Variants in MROH9 observed in about 807,000 individuals in gnomAD.
MROH9 encodes maestro heat-like repeat-containing protein family member 9.
In MROH9, 92 loss-of-function variants were observed where a neutral mutation model predicts 98.2. The ratio of observed to expected loss-of-function variants is 0.94; its 90% CI spans 0.79 to 1.11. MROH9 has a LOEUF of 1.11. MROH9 is among the 50% of genes most tolerant of loss of function. The pLI is 0.00. For missense variants in MROH9, 1,057 were observed against 1,014.8 expected, an observed-to-expected ratio of 1.04 and a Z score of -0.57; for synonymous variants, 397 against 368.9, an observed-to-expected ratio of 1.08 and a Z score of -0.87.
chr1:170,949,551 C>T (rs1275195851), intron 3 of MROH9, among the ~76,000 whole-genome samples: 2 of 152,048 alleles, frequency 1.3e-5, no homozygotes, highest in African/African-American at 4.8e-5. Context: ...TAATAACAGA[C>T]ATCTGAGTTG....
intron 20 of MROH9, among the ~76,000 whole-genome samples, chr1:171,026,626 T>C (rs1652721344): frequency 2.0e-5 from 3 of 152,144 alleles, no homozygotes; most frequent in African/African-American, 7.2e-5. Context: ...GAATTCTACC[T>C]TGGAAGTTCC....
chr1:170,960,019 A>C (rs142554797), intron 5 of MROH9, among the ~76,000 whole-genome samples: 2 of 152,314 alleles, frequency 1.3e-5, no homozygotes, highest in African/African-American at 4.8e-5. Flanking sequence ...ATATGATATA[A>C]AGTGAGGTCT....
Position 170,959,604 on chromosome 1 carries a change from T to C in MROH9, c.288+7T>C. 6.2e-7 allele frequency: 1 copy of C among 1,609,620 alleles called. No individual in the cohort carries two copies. Among genetic ancestry groups the C allele is most frequent in the Non-Finnish European group, 8.5e-7 (1 of 1,178,426 alleles). ...GTACATTGAGGACATGGAGGTAAAA[T>C]TTTTCTTCCTTTAATCATTATAGGA... On this transcript the variant is annotated splice_region_variant and intron_variant, in intron 5 of 21. Coordinates refer to ENST00000367759, the MANE Select transcript of MROH9 (RefSeq NM_001163629.2).
chr1:170,975,080 G>C (rs1650626978), intron 8 of MROH9, among the ~76,000 whole-genome samples: 3 of 151,800 alleles, frequency 2.0e-5, no homozygotes, highest in African/African-American at 7.2e-5. Flanking sequence ...AAAAAAAGCA[G>C]ATAACACAAA....
chr1:170,961,831 A>T, intron 5 of MROH9, 59 bp from the exon 6 acceptor site: 1 of 799,310 alleles, frequency 1.3e-6, no homozygotes, highest in Non-Finnish European at 1.9e-6. Context: ...AAAAAACTGT[A>T]GACATTAGGT....
chr1:170,978,848 T>C (rs190917073), intron 8 of MROH9, among the ~76,000 whole-genome samples: 3 of 152,242 alleles, frequency 2.0e-5, no homozygotes, highest in Non-Finnish European at 4.4e-5. Flanking sequence ...GACCAGCCTT[T>C]GGTCCCCACA....
intron 15 of MROH9, among the ~76,000 whole-genome samples, chr1:171,012,954 CCTTCCATA>C (rs1309180715): frequency 2.6e-5 from 4 of 152,146 alleles, no homozygotes; most frequent in Admixed American, 2.6e-4. Context: ...TTCTGTCCCA[CCTTCCATA>C]CTTGCCCTCA....
At chr1:171,059,098 A>G (rs1298558882) in intron 20 of MROH9, among the ~76,000 whole-genome samples, 1 of 152,208 alleles carries the variant, frequency 6.6e-6, no homozygotes, top group Non-Finnish European at 1.5e-5. Context: ...CATCTGAGAA[A>G]GGTCTAATAT....
Position 171,062,161 on chromosome 1 carries a change from C to A in MROH9, c.2311C>A (p.Leu771Met). ...GYLAKSGGHLLLRDEIEVMLD... is the reference protein window; with the variant it reads ...GYLAKSGGHLMLRDEIEVMLD... ...TTTGGCAAAATCAGGTGGTCATTTA[C>A]TGCTTAGAGATGAAATCGAAGTCAT... Residue 771 changes from leucine (L) to methionine (M), a missense_variant, in exon 21 of 22, where the codon CTG (leucine) becomes ATG (methionine). Transcript: ENST00000367759. 1.3e-6 allele frequency: 2 copies of A among 1,550,162 alleles called. No individual in the cohort carries two copies. The highest frequency in any genetic ancestry group is 1.7e-6 in the Non-Finnish European group (2 of 1,145,760).
intron 20 of MROH9, among the ~76,000 whole-genome samples, chr1:171,027,386 A>G (rs1652752305): frequency 6.6e-6 from 1 of 152,128 alleles, no homozygotes; most frequent in Admixed American, 6.5e-5. Flanking sequence ...ACATGATCTC[A>G]TTCTTCTTTA....
intron 3 of MROH9, among the ~76,000 whole-genome samples, chr1:170,954,785 G>A (rs965564141): frequency 6.6e-6 from 1 of 151,340 alleles, no homozygotes; most frequent in Non-Finnish European, 1.5e-5. Context: ...TAATAATATT[G>A]AGCATTTTTC....
intron 20 of MROH9, among the ~76,000 whole-genome samples, chr1:171,028,585 G>T (rs1338896493): frequency 6.6e-6 from 1 of 152,142 alleles, no homozygotes; most frequent in Non-Finnish European, 1.5e-5. Context: ...TAGTTTGATG[G>T]GAATAGTACT....
In MROH9 at chr1:170,996,628, G is replaced by A; in HGVS notation, c.1459G>A (p.Val487Ile). Residue 487 changes from valine (V) to isoleucine (I), a missense_variant, in exon 14 of 22, where the codon GTC becomes ATC. Val to Ile is a conservative substitution (Grantham distance 29). Coordinates refer to ENST00000367759, the MANE Select transcript of MROH9 (RefSeq NM_001163629.2). The part of the protein sequence containing the change: ...LSEDLCYYHG[V>I]CFIAKTLSEY... The stretch of plus-strand genomic sequence containing the variant: ...TGAAGATCTGTGTTACTATCATGGA[G>A]TCTGCTTTATTGCTAAGTAAGAACA... 1.2e-6 allele frequency: 2 copies of A among 1,613,446 alleles called. No homozygotes were observed. Among genetic ancestry groups the A allele is most frequent in the Non-Finnish European group, 1.7e-6 (2 of 1,179,592 alleles).
rs1158624852 is a variant in MROH9 at position 170,996,181 on chromosome 1, A to G, written c.1338-326A>G. ...TAAGAATATATCCTATTCATTTAAT[A>G]GAAGAAAATGGACATCTTTAGCAAG... On this transcript the variant is annotated intron_variant, in intron 13 of 21. Coordinates refer to ENST00000367759, the MANE Select transcript of MROH9 (RefSeq NM_001163629.2). Among the ~76,000 whole-genome samples the G allele has an allele frequency of 2.6e-5, 4 of 152,208 alleles. No homozygotes were observed. The East Asian group carries it at 5.8e-4, about 22-fold the overall frequency.
Position 171,025,390 on chromosome 1 carries a change from T to C in MROH9, c.2251T>C (p.Tyr751His), listed in dbSNP as rs1180199913. 3.9e-6 allele frequency: 6 copies of C among 1,549,160 alleles called. No individual in the cohort carries two copies. The African/African-American group carries it at 8.2e-5, about 21-fold the overall frequency. ...ACGATTCCTGTGGAGCCCCAGAACA[T>C]ATCTTAAGAGGGCATCGGTTATTTT... ...TLRFLWSPRT[Y>H]LKRASVILIG... is the part of the protein sequence containing the mutation. The change falls in exon 20 of 22, where the codon TAT (tyrosine) becomes CAT (histidine). Residue 751 changes from tyrosine (Y) to histidine (H), a missense_variant. Physicochemically the swap from Tyr to His is moderately conservative, Grantham distance 83. Transcript: ENST00000367759.
At chr1:170,975,715 G>T (rs74806735) in intron 8 of MROH9, among the ~76,000 whole-genome samples, 9,081 of 152,188 alleles carry the variant, frequency 0.06, 375 homozygotes, top group Middle Eastern at 0.14. Flanking sequence ...CTGCCAGTGG[G>T]ATGTTGAAGA....
chr1:170,944,010 A>G (rs1469760959), intron 1 of MROH9, among the ~76,000 whole-genome samples: 3 of 152,030 alleles, frequency 2.0e-5, no homozygotes, highest in Non-Finnish European at 4.4e-5. Flanking sequence ...AATATCGCTA[A>G]TAACAATTAT....
At chr1:170,963,302 T>C (rs902789460) in intron 6 of MROH9, among the ~76,000 whole-genome samples, 1 of 152,172 alleles carries the variant, frequency 6.6e-6, no homozygotes, top group Non-Finnish European at 1.5e-5. Flanking sequence ...CCAGTCAGAA[T>C]GACTATTCTT....
intron 1 of MROH9, among the ~76,000 whole-genome samples, chr1:170,940,250 T>C (rs896825317): frequency 2.6e-5 from 4 of 152,216 alleles, no homozygotes; most frequent in Admixed American, 1.3e-4. Context: ...GAAATTTCAC[T>C]GAGATAGAAG....
Sources: gnomAD v4.1 joint callset for allele counts (sites outside exome capture counted in the v4.1 genomes callset) on GRCh38, gnomAD v4.1.1 for gene constraint, MANE v1.5 for transcripts, NCBI Gene and HGNC (gene_info 2026-07-23, HGNC 2026-07-21) for gene names.